Variants in DENND5B observed in about 807,000 individuals in gnomAD.
DENND5B encodes the protein DENN domain containing 5B.
A neutral mutation model predicts 140.6 loss-of-function variants in DENND5B; 34 were observed. The ratio of observed to expected loss-of-function variants is 0.24; its 90% CI spans 0.18 to 0.32. The LOEUF (loss-of-function observed/expected upper bound fraction) is 0.32. Among genes scored for constraint, DENND5B ranks in the 10% least tolerant of loss-of-function variants. The pLI, the probability that DENND5B is intolerant of heterozygous loss-of-function variation, is 1.00. For synonymous variants in DENND5B, 551 were observed against 562.1 expected (o/e 0.98, Z 0.28); for missense variants, 1,142 against 1,560.2 (o/e 0.73, Z 4.52).
At chr12:31,398,669 T>C (rs765173807) in intron 16 of DENND5B, among the ~76,000 whole-genome samples, 2 of 152,172 alleles carry the variant, frequency 1.3e-5, no homozygotes, top group Non-Finnish European at 2.9e-5. Flanking sequence ...AATGTTTCCA[T>C]AGAGTAGTGT....
At chr12:31,408,336 A>G (rs1029091852) in intron 14 of DENND5B, among the ~76,000 whole-genome samples, 1 of 150,894 alleles carries the variant, frequency 6.6e-6, no homozygotes, top group African/African-American at 2.4e-5. Flanking sequence ...AAAAACAACA[A>G]AATCTCCAGG....
intron 15 of DENND5B, among the ~76,000 whole-genome samples, chr12:31,400,591 CTAG>C (rs1355567729): frequency 6.6e-6 from 1 of 151,726 alleles, no homozygotes; most frequent in Admixed American, 6.6e-5. Context: ...TTATGGGTAC[CTAG>C]TAGATGTGTA....
intron 1 of DENND5B, among the ~76,000 whole-genome samples, chr12:31,527,098 G>C (rs1022331503): frequency 6.6e-6 from 1 of 152,106 alleles, no homozygotes; most frequent in African/African-American, 2.4e-5. Context: ...GTATGAGAGA[G>C]GGTGATATGG....
At chr12:31,445,866 G>A (rs1338509757) in intron 6 of DENND5B, among the ~76,000 whole-genome samples, 2 of 151,430 alleles carry the variant, frequency 1.3e-5, no homozygotes, top group East Asian at 2.0e-4. Context: ...AAAATTACCC[G>A]AGGGTGGTGG....
At chr12:31,418,341 GCATGATCTCGGCTC>G (rs373007559) in intron 11 of DENND5B, among the ~76,000 whole-genome samples, 7 of 147,226 alleles carry the variant, frequency 4.8e-5, no homozygotes, top group African/African-American at 1.8e-4. Flanking sequence ...GAGTGCAGTG[GCATGATCTCGGCTC>G]ACTGCAGCCT....
chr12:31,392,506 C>T, intron 18 of DENND5B, 108 bp downstream of exon 18: 1 of 1,539,344 alleles, frequency 6.5e-7, no homozygotes, highest in Non-Finnish European at 8.7e-7. Context: ...TTTACAGCTA[C>T]CAGAAAGCTT....
rs115021183 is a variant in DENND5B, at chr12:31,585,612, G to A, written c.127+5094C>T. Among the ~76,000 whole-genome samples, 633 of 152,320 alleles carry A rather than the reference G, an allele frequency of 4.2e-3. 5 individuals carry two copies. The highest frequency in any genetic ancestry group is 0.014 in the African/African-American group (577 of 41,566). On this transcript the variant is annotated intron_variant, in intron 1 of 20. Coordinates refer to ENST00000389082, the MANE Select transcript of DENND5B (RefSeq NM_144973.4). ...GTCAGGTGTCTACTGCTGATCAAAT[G>A]TAATCTGAGAGGGCCCTTAATCTCT...
intron 10 of DENND5B, 27 bp downstream of exon 10, chr12:31,424,508 G>C: frequency 6.3e-7 from 1 of 1,588,414 alleles, no homozygotes; most frequent in Non-Finnish European, 8.6e-7. Flanking sequence ...AACTGGCCAT[G>C]TCACCAGGAC....
intron 1 of DENND5B, among the ~76,000 whole-genome samples, chr12:31,519,926 C>T (rs1184293012): frequency 1.3e-5 from 2 of 152,184 alleles, no homozygotes; most frequent in African/African-American, 4.8e-5. Flanking sequence ...AAAAGAAACC[C>T]TGCACCTCAC....
At chr12:31,436,706 T>C (rs542163499) in intron 7 of DENND5B, among the ~76,000 whole-genome samples, 1 of 151,190 alleles carries the variant, frequency 6.6e-6, no homozygotes, top group South Asian at 2.1e-4. Context: ...AGCTAAGTTT[T>C]GTATTTTTAG....
At chr12:31,551,524 T>C (rs1592032445) in intron 1 of DENND5B, among the ~76,000 whole-genome samples, 1 of 152,212 alleles carries the variant, frequency 6.6e-6, no homozygotes, top group Non-Finnish European at 1.5e-5. Flanking sequence ...TCTTTTGGCT[T>C]AGGATTGACT....
chr12:31,582,322 T>C lies in DENND5B; in HGVS notation c.127+8384A>G, dbSNP rs571321942. Among the ~76,000 whole-genome samples, 11 of 152,330 alleles carry C rather than the reference T, an allele frequency of 7.2e-5. No individual in the cohort carries two copies. The South Asian group carries it at 1.9e-3, about 26-fold the overall frequency. ...CACTGATGCCTGCGGCTGTCATAAG[T>C]GACAGGCCAGGAATGGAATCTCAGC... On this transcript the variant is annotated intron_variant, in intron 1 of 20. Transcript: ENST00000389082.
intron 4 of DENND5B, among the ~76,000 whole-genome samples, chr12:31,455,537 A>G (rs149233128): frequency 6.6e-6 from 1 of 152,224 alleles, no homozygotes; most frequent in African/African-American, 2.4e-5. Flanking sequence ...GAACTCTATA[A>G]TAGGGCATTC....
rs184588162 is a variant in DENND5B at position 31,487,068 on chromosome 12, G to A, written c.238-6813C>T. On this transcript the variant is annotated intron_variant, in intron 2 of 20. Transcript: ENST00000389082. ...TAACAGGTGGTGACTGATAACATGGGTAAAAAGAAAAAACTGTGAAGCTCA... is the reference window on the plus strand; with the variant it reads ...TAACAGGTGGTGACTGATAACATGGATAAAAAGAAAAAACTGTGAAGCTCA... 2.0e-4 allele frequency among the ~76,000 whole-genome samples: 30 copies of A among 152,274 alleles called. No individual in the cohort carries two copies. The East Asian group carries it at 5.8e-3, about 29-fold the overall frequency.
Position 31,559,586 on chromosome 12 carries a change from C to T in DENND5B, c.127+31120G>A, listed in dbSNP as rs184808404. On this transcript the variant is annotated intron_variant, in intron 1 of 20. Transcript: ENST00000389082. ...TTTTATTAACATTAGGAAAGTTTTG[C>T]CTATACTGTTTAGCTTAATTAAAGT... 2.0e-3 allele frequency among the ~76,000 whole-genome samples: 300 copies of T among 152,030 alleles called. 3 individuals carry two copies. In the South Asian group the frequency reaches 0.021, roughly 10 times the overall value.
chr12:31,566,163 T>C (rs1334421321), intron 1 of DENND5B, among the ~76,000 whole-genome samples: 2 of 151,688 alleles, frequency 1.3e-5, no homozygotes, highest in Non-Finnish European at 2.9e-5. Context: ...AATTAAAAAA[T>C]ATAATTTGAA....
At chr12:31,393,691 T>G (rs1342417206) in intron 17 of DENND5B, among the ~76,000 whole-genome samples, 2 of 152,150 alleles carry the variant, frequency 1.3e-5, no homozygotes, top group Non-Finnish European at 2.9e-5. Flanking sequence ...CATGAACATT[T>G]CTTTTTTCTT....
intron 14 of DENND5B, among the ~76,000 whole-genome samples, chr12:31,404,904 T>C (rs1481592077): frequency 1.3e-5 from 2 of 151,848 alleles, no homozygotes; most frequent in Non-Finnish European, 2.9e-5. Context: ...GGATTACAAC[T>C]GCACACCACC....
chr12:31,536,017 GGTT>G (rs1382369649), intron 1 of DENND5B, among the ~76,000 whole-genome samples: 2 of 152,120 alleles, frequency 1.3e-5, no homozygotes, highest in Non-Finnish European at 2.9e-5. Context: ...CGCAAGATCT[GGTT>G]GTTTAGAAGT....
Sources: allele counts gnomAD v4.1 joint callset (sites outside exome capture counted in the v4.1 genomes callset), GRCh38; gene constraint gnomAD v4.1.1; transcripts MANE v1.5; gene names NCBI Gene and HGNC (gene_info 2026-07-23, HGNC 2026-07-21).